The following MLIP variants were observed in gnomAD, a reference collection of about 807,000 sequenced individuals.
The protein encoded by MLIP is muscular LMNA-interacting protein.
MLIP carries 79 observed loss-of-function variants against 84.8 expected under a neutral mutation model. That is an observed-to-expected ratio of 0.93 (90% CI 0.78 to 1.12). The LOEUF (loss-of-function observed/expected upper bound fraction) is 1.12. Ranked by LOEUF, MLIP falls within the 50% of genes most tolerant of loss-of-function variation. The probability of loss-of-function intolerance (pLI) is 0.00; values close to 1 mark genes in which losing one functional copy is unlikely to be tolerated. For synonymous variants in MLIP, 504 were observed against 463.0 expected (o/e 1.09, Z -1.14); for missense variants, 1,257 against 1,160.6 (o/e 1.08, Z -1.21).
chr6:54,191,031 G>T (rs992681404), intron 10 of MLIP, among the ~76,000 whole-genome samples: 21 of 151,750 alleles, frequency 1.4e-4, no homozygotes, highest in African/African-American at 4.6e-4. Context: ...TCCTGACCTC[G>T]TGATCCACCC....
intron 1 of MLIP, among the ~76,000 whole-genome samples, chr6:54,026,714 AGTGT>A (rs61442646): frequency 0.091 from 13,612 of 149,810 alleles, 1,337 homozygotes; most frequent in East Asian, 0.58. Flanking sequence ...CTGTGTCTTC[AGTGT>A]GTGTGTGTGT....
chr6:54,165,961 A>G (rs1297188613), intron 8 of MLIP, among the ~76,000 whole-genome samples: 2 of 151,912 alleles, frequency 1.3e-5, no homozygotes, highest in Non-Finnish European at 2.9e-5. Flanking sequence ...GGCACCATCT[A>G]TGAACCAGAA....
chr6:54,121,767 T>C (rs1361877771), intron 2 of MLIP, among the ~76,000 whole-genome samples, 165 bp downstream of exon 2: 2 of 152,240 alleles, frequency 1.3e-5, no homozygotes, highest in Non-Finnish European at 2.9e-5. Flanking sequence ...GTTATCAAAT[T>C]GCATGTTCTC....
At chr6:54,161,478 A>G (rs964633510) in intron 8 of MLIP, among the ~76,000 whole-genome samples, 1 of 151,934 alleles carries the variant, frequency 6.6e-6, no homozygotes, top group African/African-American at 2.4e-5. Flanking sequence ...CAAACACTTA[A>G]GCTCTACTCA....
At position 54,111,712 on chromosome 6, in the gene MLIP, T is replaced by G. The variant is rs1043867281; in HGVS notation, c.96+137T>G. 4 of 907,310 alleles carry G rather than the reference T, an allele frequency of 4.4e-6. No individual in the cohort carries two copies. The African/African-American group carries it at 6.7e-5, about 15-fold the overall frequency. The allele number at this position is 907,310 out of a possible 1,614,324, so 56.2% of individuals were successfully genotyped here. A position where few individuals can be genotyped will look rare whatever the true frequency, so the allele number is the denominator to read the frequency against. ...GTATGTATATTGAAATGAAATGCTA[T>G]CTTCACTTAGAGAAAAGGGTGAGCT... On this transcript the variant is annotated intron_variant, in intron 1 of 13. Coordinates refer to ENST00000502396, the MANE Select transcript of MLIP (RefSeq NM_001281747.2).
intron 10 of MLIP, among the ~76,000 whole-genome samples, chr6:54,200,607 G>GTT (rs869066493): frequency 1.3e-5 from 1 of 76,608 alleles, no homozygotes; most frequent in African/African-American, 5.1e-5. Flanking sequence ...CTGCCTGGAC[G>GTT]TTTTTTTTTT....
chr6:54,067,962 C>T (rs1476952155), intron 1 of MLIP, among the ~76,000 whole-genome samples: 2 of 99,492 alleles, frequency 2.0e-5, no homozygotes, highest in African/African-American at 5.1e-5. Context: ...GGGGTTTATA[C>T]TGGCCAGGTT....
intron 11 of MLIP, among the ~76,000 whole-genome samples, 164 bp downstream of exon 11, chr6:54,202,397 G>A (rs1371091746): frequency 6.7e-6 from 1 of 150,236 alleles, no homozygotes; most frequent in Non-Finnish European, 1.5e-5. Flanking sequence ...ATTTGGTAAT[G>A]AAAAATGCTT....
At chr6:54,163,989 T>C (rs1272749543) in intron 8 of MLIP, among the ~76,000 whole-genome samples, 1 of 151,968 alleles carries the variant, frequency 6.6e-6, no homozygotes, top group Non-Finnish European at 1.5e-5. Flanking sequence ...TTCTTTGTCT[T>C]CAACAACATA....
chr6:54,041,574 C>T (rs1764743818), intron 1 of MLIP, among the ~76,000 whole-genome samples: 1 of 152,094 alleles, frequency 6.6e-6, no homozygotes, highest in South Asian at 2.1e-4. Flanking sequence ...TGGTCTACAT[C>T]TCTACCCACA....
chr6:54,033,944 G>A (rs142744392), intron 1 of MLIP, among the ~76,000 whole-genome samples: 1 of 152,170 alleles, frequency 6.6e-6, no homozygotes, highest in East Asian at 1.9e-4. Context: ...CTAACATCTT[G>A]TTAATAACAT....
At chr6:54,229,072 A>T (rs16885060) in intron 11 of MLIP, among the ~76,000 whole-genome samples, 8 of 152,228 alleles carry the variant, frequency 5.3e-5, no homozygotes, top group African/African-American at 1.9e-4. Context: ...TAACCAATGA[A>T]ATTAGACAAA....
At chr6:54,101,589 A>G (rs1400045031) in intron 1 of MLIP, among the ~76,000 whole-genome samples, 3 of 152,160 alleles carry the variant, frequency 2.0e-5, no homozygotes, top group Non-Finnish European at 4.4e-5. Context: ...CATTGTTTCC[A>G]TTAGCAGAAT....
intron 1 of MLIP, among the ~76,000 whole-genome samples, chr6:54,115,727 G>T (rs1204453545): frequency 3.3e-5 from 5 of 152,136 alleles, no homozygotes; most frequent in Non-Finnish European, 7.3e-5. Flanking sequence ...ATTGTGAAGG[G>T]TATAGACTGA....
intron 12 of MLIP, among the ~76,000 whole-genome samples, chr6:54,240,276 C>T (rs1781647488): frequency 6.6e-6 from 1 of 152,198 alleles, no homozygotes; most frequent in African/African-American, 2.4e-5. Context: ...AATTTTGGTG[C>T]TGGAGTGAAG....
chr6:54,070,267 A>G (rs1766405042), intron 1 of MLIP, among the ~76,000 whole-genome samples: 1 of 152,174 alleles, frequency 6.6e-6, no homozygotes, highest in Non-Finnish European at 1.5e-5. Context: ...AAAGAGCCTT[A>G]GAATCGGGAT....
chr6:54,218,396 A>G (rs1473383764), intron 11 of MLIP, among the ~76,000 whole-genome samples: 1 of 152,250 alleles, frequency 6.6e-6, no homozygotes, highest in Non-Finnish European at 1.5e-5. Context: ...ACACCTGTAT[A>G]GTGCACTTAC....
chr6:54,078,034 G>A (rs1325827), intron 1 of MLIP, among the ~76,000 whole-genome samples: 152,242 of 152,298 alleles, frequency 1, 76,093 homozygotes, highest in Non-Finnish European at 1. Context: ...TGATGACCTG[G>A]ATAGGTTGTA....
intron 1 of MLIP, among the ~76,000 whole-genome samples, chr6:54,076,058 C>A (rs182912053): frequency 3.7e-4 from 56 of 152,278 alleles, no homozygotes; most frequent in East Asian, 2.3e-3. Context: ...TGAATTATTT[C>A]ATTGGCTTTT....
Sources: gnomAD v4.1 joint callset for allele counts (sites outside exome capture counted in the v4.1 genomes callset) on GRCh38, gnomAD v4.1.1 for gene constraint, MANE v1.5 for transcripts, NCBI Gene and HGNC (gene_info 2026-07-23, HGNC 2026-07-21) for gene names.